STARD13: variants seen among roughly 807,000 people sequenced by gnomAD.
STARD13 encodes the protein stAR-related lipid transfer protein 13.
A neutral mutation model predicts 106.4 loss-of-function variants in STARD13; 62 were observed. The observed-to-expected ratio is 0.58, with a 90% confidence interval of 0.48 to 0.72. The LOEUF is 0.72. STARD13 is among the 30% of genes least tolerant of loss of function. The probability of loss-of-function intolerance (pLI) is 0.00; values close to 1 mark genes in which losing one functional copy is unlikely to be tolerated. For synonymous variants in STARD13, 565 were observed against 553.0 expected, an observed-to-expected ratio of 1.02 and a Z score of -0.31; for missense variants, 1,387 against 1,424.0, an observed-to-expected ratio of 0.97 and a Z score of 0.42.
At chr13:33,155,141 G>A (rs1881799780) in intron 3 of STARD13, among the ~76,000 whole-genome samples, 1 of 151,966 alleles carries the variant, frequency 6.6e-6, no homozygotes. Flanking sequence ...TCCGGGCCGG[G>A]CACCCTACTG....
chr13:33,652,370 TA>T, the STARD13 span, among the ~76,000 whole-genome samples: 1 of 152,240 alleles, frequency 6.6e-6, no homozygotes, highest in Non-Finnish European at 1.5e-5. Flanking sequence ...AAGACGAATT[TA>T]AGCCACAATT....
the STARD13 span, among the ~76,000 whole-genome samples, chr13:33,366,314 T>C: frequency 6.6e-6 from 1 of 152,120 alleles, no homozygotes; most frequent in African/African-American, 2.4e-5. This position sits in a 1 kb window ranked among gnomAD's most constrained non-coding sequence, Gnocchi z 4.2. Flanking sequence ...TTAATAAATA[T>C]TTCTGAGGCT....
At chr13:33,672,691 TAC>T in the STARD13 span, among the ~76,000 whole-genome samples, 1 of 152,204 alleles carries the variant, frequency 6.6e-6, no homozygotes, top group Non-Finnish European at 1.5e-5. Flanking sequence ...TATTTAAAGA[TAC>T]AGTGTTATAA....
intron 8 of STARD13, among the ~76,000 whole-genome samples, chr13:33,114,711 G>A (rs996825094): frequency 6.6e-6 from 1 of 152,030 alleles, no homozygotes; most frequent in African/African-American, 2.4e-5. Flanking sequence ...TCTTTTCCAT[G>A]CCAACATTTT....
intron 1 of STARD13, among the ~76,000 whole-genome samples, chr13:33,278,180 C>G (rs1891554508): frequency 1.3e-5 from 2 of 149,984 alleles, no homozygotes; most frequent in South Asian, 4.2e-4. Flanking sequence ...AGTTTAAACA[C>G]AGTTAAACTA....
chr13:33,322,139 T>C lies in STARD13; in HGVS notation c.124+28151A>G, dbSNP rs562616142. On this transcript the variant is annotated intron_variant, in intron 1 of 5. Coordinates refer to the STARD13 transcript ENST00000567873. ...AACTGCTAACAAGTATTATAGCTCA[T>C]TTCCAAATCGATTTCATTTACCAAT... is the stretch of plus-strand genomic sequence containing the variant. Among the ~76,000 whole-genome samples, 133 of 152,354 alleles carry C rather than the reference T, an allele frequency of 8.7e-4. 2 individuals are homozygous for C. Among genetic ancestry groups the C allele is most frequent in the African/African-American group, 3.1e-3 (130 of 41,584 alleles).
chr13:33,400,405 C>G, the STARD13 span, among the ~76,000 whole-genome samples: 1 of 151,842 alleles, frequency 6.6e-6, no homozygotes, highest in Non-Finnish European at 1.5e-5. Flanking sequence ...GTTTCCATAT[C>G]TTGCCTGTGG....
chr13:33,412,352 T>C, the STARD13 span, among the ~76,000 whole-genome samples: 287 of 151,658 alleles, frequency 1.9e-3, 1 homozygote, highest in Admixed American at 0.014. Flanking sequence ...AAAAACACTA[T>C]AGAAAGAGCA....
intron 12 of STARD13, among the ~76,000 whole-genome samples, chr13:33,108,772 G>C (rs1874119325): frequency 1.3e-5 from 2 of 152,182 alleles, no homozygotes; most frequent in African/African-American, 4.8e-5. Flanking sequence ...GCTATGGCAT[G>C]GCCCCATTCC....
the STARD13 span, among the ~76,000 whole-genome samples, chr13:33,567,985 TA>T: frequency 6.8e-6 from 1 of 147,914 alleles, no homozygotes; most frequent in Non-Finnish European, 1.5e-5. Context: ...TTTTCTTCTT[TA>T]GAAAATGAAG....
the STARD13 span, among the ~76,000 whole-genome samples, chr13:33,540,077 A>T: frequency 6.6e-6 from 1 of 152,238 alleles, no homozygotes; most frequent in Non-Finnish European, 1.5e-5. Flanking sequence ...TGATAAAAAG[A>T]CCTGTCACCC....
chr13:33,440,835 C>T, the STARD13 span, among the ~76,000 whole-genome samples: 6 of 140,416 alleles, frequency 4.3e-5, no homozygotes, highest in African/African-American at 8.0e-5. Context: ...AGGCTGGTCT[C>T]GAACTCCTGA....
chr13:33,349,351 C>T, intron 1 of STARD13: 1 of 664,802 alleles, frequency 1.5e-6, no homozygotes, highest in African/African-American at 1.8e-5. Flanking sequence ...GTCCTAAACC[C>T]TGCACTGCCC....
the STARD13 span, among the ~76,000 whole-genome samples, chr13:33,565,935 T>C: frequency 1.3e-5 from 2 of 148,858 alleles, no homozygotes; most frequent in African/African-American, 4.9e-5. Flanking sequence ...TACCTATATC[T>C]GTAAAATAAC....
chr13:33,660,051 C>T, the STARD13 span: 1 of 152,150 alleles, frequency 6.6e-6, no homozygotes, highest in Non-Finnish European at 1.5e-5. Flanking sequence ...GTTGAGAGGT[C>T]CTCAGAGGAA....
At chr13:33,386,312 C>T in the STARD13 span, among the ~76,000 whole-genome samples, 1 of 152,294 alleles carries the variant, frequency 6.6e-6, no homozygotes, top group African/African-American at 2.4e-5. Flanking sequence ...TCTTCAGTTT[C>T]CCCTTTCTCC....
chr13:33,476,657 T>A, the STARD13 span, among the ~76,000 whole-genome samples: 33,431 of 152,176 alleles, frequency 0.22, 6,790 homozygotes, highest in African/African-American at 0.54. Flanking sequence ...ACAGTTAGAC[T>A]TATGCAGGAA....
chr13:33,556,690 T>C, the STARD13 span, among the ~76,000 whole-genome samples: 4 of 152,232 alleles, frequency 2.6e-5, no homozygotes, highest in Non-Finnish European at 2.9e-5. Flanking sequence ...TTCTCTCACA[T>C]GTTTAAATTA....
chr13:33,254,327 A>C (rs543932596), intron 1 of STARD13, among the ~76,000 whole-genome samples: 141 of 152,368 alleles, frequency 9.3e-4, no homozygotes, highest in African/African-American at 3.1e-3. Flanking sequence ...TGCGTGTGAC[A>C]CAGGTGAGCA....
Sources: allele counts gnomAD v4.1 joint callset (sites outside exome capture counted in the v4.1 genomes callset), GRCh38; gene constraint gnomAD v4.1.1; non-coding constraint Gnocchi (gnomAD v3.1); transcripts MANE v1.5; gene names NCBI Gene and HGNC (gene_info 2026-07-23, HGNC 2026-07-21).